The following GPC5 variants were observed in gnomAD, a reference collection of about 807,000 sequenced individuals.
GPC5 encodes glypican-5.
A neutral mutation model predicts 53.9 loss-of-function variants in GPC5; 47 were observed. The observed-to-expected ratio is 0.87, with a 90% CI of 0.69 to 1.11. GPC5 has a LOEUF of 1.11. Ranked by LOEUF, GPC5 falls within the 50% of genes most tolerant of loss-of-function variation. GPC5 has a pLI of 0.00. For synonymous variants in GPC5, 286 were observed against 263.3 expected, an observed-to-expected ratio of 1.09 and a Z score of -0.84; for missense variants, 748 against 713.1, an observed-to-expected ratio of 1.05 and a Z score of -0.56.
intron 7 of GPC5, among the ~76,000 whole-genome samples, chr13:92,373,263 G>T (rs903344528): frequency 2.6e-5 from 4 of 152,146 alleles, no homozygotes; most frequent in African/African-American, 4.8e-5. Flanking sequence ...GTGAAAGAAT[G>T]ATTTAAGGAA....
intron 7 of GPC5, among the ~76,000 whole-genome samples, chr13:92,219,365 TCTTAC>T (rs1161746082): frequency 6.6e-6 from 1 of 152,154 alleles, no homozygotes; most frequent in Non-Finnish European, 1.5e-5. Flanking sequence ...GGTTTAGATC[TCTTAC>T]CTTATTCCTG....
At chr13:92,557,593 G>A (rs1882541640) in intron 7 of GPC5, among the ~76,000 whole-genome samples, 1 of 151,926 alleles carries the variant, frequency 6.6e-6, no homozygotes, top group African/African-American at 2.4e-5. Context: ...ATTATTTTAA[G>A]TTGCTAAAAA....
intron 7 of GPC5, among the ~76,000 whole-genome samples, chr13:92,695,064 T>C (rs1343324738): frequency 6.6e-6 from 1 of 152,196 alleles, no homozygotes; most frequent in African/African-American, 2.4e-5. Flanking sequence ...CCTTCTGCCA[T>C]AATGTAAGTC....
In GPC5 at chr13:92,635,083, A is replaced by C. The variant is rs1378655451; in HGVS notation, c.1562-231199A>C. ...GAAATATACATTTATAGTTCTTATA[A>C]TTATTTTATTCACAGATAAACCTTT... On this transcript the variant is annotated intron_variant, in intron 7 of 7. Coordinates refer to ENST00000377067, the MANE Select transcript of GPC5 (RefSeq NM_004466.6). Among the ~76,000 whole-genome samples, 5 of 152,126 alleles carry C rather than the reference A, an allele frequency of 3.3e-5. No homozygotes were observed. The East Asian group carries it at 9.7e-4, about 29-fold the overall frequency.
intron 7 of GPC5, among the ~76,000 whole-genome samples, chr13:92,227,292 T>C (rs747187042): frequency 5.3e-5 from 8 of 152,240 alleles, no homozygotes; most frequent in Non-Finnish European, 8.8e-5. Flanking sequence ...CAGCCAGCCA[T>C]TGAAAAACGC....
At chr13:92,613,388 TATA>T (rs1884526738) in intron 7 of GPC5, among the ~76,000 whole-genome samples, 1 of 70,358 alleles carries the variant, frequency 1.4e-5, no homozygotes, top group Non-Finnish European at 2.7e-5. Context: ...TATTATATTA[TATA>T]TAAATATATA....
intron 7 of GPC5, among the ~76,000 whole-genome samples, chr13:92,372,706 T>TG (rs1320793442): frequency 6.6e-6 from 1 of 152,126 alleles, no homozygotes; most frequent in African/African-American, 2.4e-5. Context: ...GTATCTTTTT[T>TG]TGTGTTGAGG....
chr13:92,744,802 T>C (rs1038188992), intron 7 of GPC5, among the ~76,000 whole-genome samples: 3 of 151,984 alleles, frequency 2.0e-5, no homozygotes, highest in Admixed American at 1.3e-4. Context: ...TTGAGTTAGA[T>C]GAAAATATAG....
At chr13:91,851,128 T>C (rs2038908209) in intron 5 of GPC5, among the ~76,000 whole-genome samples, 1 of 152,108 alleles carries the variant, frequency 6.6e-6, no homozygotes. Flanking sequence ...AGCTGATACC[T>C]GGCAAGTAAC....
At chr13:91,560,166 G>C (rs2031180592) in intron 2 of GPC5, among the ~76,000 whole-genome samples, 1 of 152,138 alleles carries the variant, frequency 6.6e-6, no homozygotes, top group Admixed American at 6.6e-5. Context: ...AGATGCCAGA[G>C]CTTCCCTGGC....
At chr13:91,855,188 A>G (rs1177551591) in intron 5 of GPC5, among the ~76,000 whole-genome samples, 1 of 151,740 alleles carries the variant, frequency 6.6e-6, no homozygotes, top group Non-Finnish European at 1.5e-5. Flanking sequence ...GACCGACTTT[A>G]CCTTCTGTAC....
intron 7 of GPC5, among the ~76,000 whole-genome samples, chr13:92,736,703 T>C (rs977884445): frequency 6.6e-6 from 1 of 151,930 alleles, no homozygotes. Flanking sequence ...TATTTATCTC[T>C]ATGAATGTTT....
intron 7 of GPC5, among the ~76,000 whole-genome samples, chr13:92,515,898 C>A (rs1880758376): frequency 6.6e-6 from 1 of 151,984 alleles, no homozygotes; most frequent in African/African-American, 2.4e-5. Flanking sequence ...GAAATATTAC[C>A]AATAACTACT....
chr13:91,650,919 C>A (rs1044516012), intron 2 of GPC5, among the ~76,000 whole-genome samples: 1 of 151,902 alleles, frequency 6.6e-6, no homozygotes. Flanking sequence ...GCAAGACTTT[C>A]TCTTCAAAGT....
intron 7 of GPC5, among the ~76,000 whole-genome samples, chr13:92,692,754 A>ATTTTTTTT (rs71272284): frequency 0.01 from 848 of 80,960 alleles, 63 homozygotes; most frequent in Middle Eastern, 0.015. Context: ...AATATCGGCT[A>ATTTTTTTT]TTTTTTTTTT....
chr13:92,180,539 A>C (rs1032363251), intron 7 of GPC5, among the ~76,000 whole-genome samples: 4 of 152,212 alleles, frequency 2.6e-5, no homozygotes, highest in African/African-American at 9.6e-5. Flanking sequence ...TTCATTAACC[A>C]AAGGGATGAT....
chr13:91,650,691 C>T (rs2139551967), intron 2 of GPC5, among the ~76,000 whole-genome samples: 1 of 146,472 alleles, frequency 6.8e-6, no homozygotes, highest in South Asian at 2.2e-4. Context: ...TCATATTAAG[C>T]TCCAGGGAAA....
chr13:92,380,994 A>T (rs2043734453), intron 7 of GPC5, among the ~76,000 whole-genome samples: 1 of 152,202 alleles, frequency 6.6e-6, no homozygotes, highest in South Asian at 2.1e-4. Context: ...CCATGACCAC[A>T]TGAAAACCTC....
intron 5 of GPC5, among the ~76,000 whole-genome samples, chr13:91,813,542 T>C (rs1187212478): frequency 6.6e-6 from 1 of 152,156 alleles, no homozygotes; most frequent in Non-Finnish European, 1.5e-5. Context: ...CAAGGCCGGG[T>C]TGGTCTTTGA....
Sources: gnomAD v4.1 joint callset for allele counts (sites outside exome capture counted in the v4.1 genomes callset) on GRCh38, gnomAD v4.1.1 for gene constraint, MANE v1.5 for transcripts, NCBI Gene and HGNC (gene_info 2026-07-23, HGNC 2026-07-21) for gene names.